Variants in TMEM132D observed in about 807,000 individuals in gnomAD.
The protein encoded by TMEM132D is mature OL transmembrane protein.
A neutral mutation model predicts 62.3 loss-of-function variants in TMEM132D; 21 were observed. The ratio of observed to expected loss-of-function variants is 0.34; its 90% CI spans 0.24 to 0.49. TMEM132D has a LOEUF of 0.49. Among genes scored for constraint, TMEM132D ranks in the 20% least tolerant of loss-of-function variants. The probability of loss-of-function intolerance (pLI) is 0.99; values close to 1 mark genes in which losing one functional copy is unlikely to be tolerated. For missense variants in TMEM132D, 1,346 were observed against 1,402.8 expected, an observed-to-expected ratio of 0.96 and a Z score of 0.65; for synonymous variants, 621 against 575.6, an observed-to-expected ratio of 1.08 and a Z score of -1.13.
At chr12:129,899,386 G>A (rs1371676217) in intron 1 of TMEM132D, among the ~76,000 whole-genome samples, 1 of 130,708 alleles carries the variant, frequency 7.7e-6, no homozygotes, top group Non-Finnish European at 1.6e-5. Context: ...GTAGATGGAT[G>A]GGTGGATAAT....
intron 4 of TMEM132D, among the ~76,000 whole-genome samples, chr12:129,337,297 CATA>C (rs1446390903): frequency 1.3e-5 from 2 of 152,176 alleles, no homozygotes; most frequent in African/African-American, 2.4e-5. Flanking sequence ...GTGTCTACAT[CATA>C]TGCTACAAAC....
chr12:129,694,358 G>C (rs912410457), intron 2 of TMEM132D, among the ~76,000 whole-genome samples: 1 of 152,198 alleles, frequency 6.6e-6, no homozygotes, highest in African/African-American at 2.4e-5. Context: ...TGACCAGTAA[G>C]TCTCAAAATG....
chr12:129,393,891 A>C (rs1413364494), intron 3 of TMEM132D, among the ~76,000 whole-genome samples: 1 of 152,176 alleles, frequency 6.6e-6, no homozygotes, highest in Non-Finnish European at 1.5e-5. Flanking sequence ...TGGGAAACAT[A>C]AACATCCCCC....
chr12:129,499,072 A>G (rs1027992153), intron 3 of TMEM132D, among the ~76,000 whole-genome samples: 4 of 152,188 alleles, frequency 2.6e-5, no homozygotes, highest in African/African-American at 9.7e-5. Context: ...GTGCTCTGTA[A>G]TATTCTGGGA....
chr12:129,761,039 G>GAA (rs138226014), intron 1 of TMEM132D, among the ~76,000 whole-genome samples: 202 of 148,004 alleles, frequency 1.4e-3, no homozygotes, highest in African/African-American at 4.5e-3. Context: ...GTGGGGAAAA[G>GAA]AAAAAAAAAA....
At chr12:129,086,201 C>CGCGCGTGTGTGT (rs1349816832) in intron 5 of TMEM132D, among the ~76,000 whole-genome samples, 3,288 of 141,020 alleles carry the variant, frequency 0.023, 135 homozygotes, top group African/African-American at 0.084. Flanking sequence ...CACGCGCGCG[C>CGCGCGTGTGTGT]GTGTGTGTGT....
chr12:129,815,338 C>T (rs757847274), intron 1 of TMEM132D, among the ~76,000 whole-genome samples: 6 of 152,210 alleles, frequency 3.9e-5, no homozygotes, highest in Non-Finnish European at 8.8e-5. Context: ...TTCCAGGCAT[C>T]GCTTGAGAGA....
chr12:129,358,107 T>C (rs1479378593), intron 3 of TMEM132D, among the ~76,000 whole-genome samples: 1 of 152,210 alleles, frequency 6.6e-6, no homozygotes, highest in Non-Finnish European at 1.5e-5. Context: ...TTTGTCTTCT[T>C]GTGTCCTCTA....
In TMEM132D at chr12:129,386,073, G is replaced by A. The variant is rs1266103683; in HGVS notation, c.1116-48256C>T. Among the ~76,000 whole-genome samples, 4 of 152,332 alleles carry A rather than the reference G, an allele frequency of 2.6e-5. No homozygotes were observed. The South Asian group carries it at 8.3e-4, about 32-fold the overall frequency. On this transcript the variant is annotated intron_variant, in intron 3 of 8. Transcript: ENST00000422113. ...ACAGTCACTTTCCTGCTGGCTCACA[G>A]TGGTAATGGCCTGAGTGACCAGCTA...
In TMEM132D at chr12:129,537,084, C is replaced by A. The variant is rs940058078; in HGVS notation, c.969-5879G>T. The stretch of plus-strand genomic sequence containing the variant: ...CTGAGACGGGAGAATTGCTTGAACC[C>A]GGGAGGCAGAGGTTGCGGTGAGCCG... On this transcript the variant is annotated intron_variant, in intron 2 of 8. Transcript: ENST00000422113. Among the ~76,000 whole-genome samples, 3 of 143,022 alleles carry A rather than the reference C, an allele frequency of 2.1e-5. No homozygotes were observed. In the Admixed American group the frequency reaches 2.2e-4, roughly 11 times the overall value. 93.8% of individuals were successfully genotyped at this position (143,022 alleles called of 152,430 possible).
chr12:129,118,377 C>A (rs182939155), intron 5 of TMEM132D, among the ~76,000 whole-genome samples: 1 of 152,200 alleles, frequency 6.6e-6, no homozygotes, highest in Non-Finnish European at 1.5e-5. Flanking sequence ...CCCAGCTCTG[C>A]GGTACATGGT....
At chr12:129,860,509 C>T (rs904489544) in intron 1 of TMEM132D, among the ~76,000 whole-genome samples, 3 of 152,222 alleles carry the variant, frequency 2.0e-5, no homozygotes, top group Non-Finnish European at 4.4e-5. Flanking sequence ...CTGCATCAAA[C>T]TTCTCAATCT....
chr12:129,185,539 TTATTA>T (rs1207832414), intron 5 of TMEM132D, among the ~76,000 whole-genome samples: 2 of 151,882 alleles, frequency 1.3e-5, no homozygotes, highest in East Asian at 3.9e-4. Context: ...CACTTTTATT[TTATTA>T]TTTTATTTTA....
chr12:129,697,291 C>T (rs1051974263), intron 2 of TMEM132D, among the ~76,000 whole-genome samples: 2 of 152,278 alleles, frequency 1.3e-5, no homozygotes, highest in African/African-American at 2.4e-5. Context: ...CACACCAATT[C>T]TAAATATTTG....
chr12:129,901,041 T>C (rs1370373835), intron 1 of TMEM132D, among the ~76,000 whole-genome samples: 1 of 152,248 alleles, frequency 6.6e-6, no homozygotes, highest in Non-Finnish European at 1.5e-5. Flanking sequence ...GCCCTTTGTT[T>C]CATTCAAAAA....
intron 3 of TMEM132D, among the ~76,000 whole-genome samples, chr12:129,434,362 G>A (rs1213957403): frequency 6.6e-6 from 1 of 152,182 alleles, no homozygotes; most frequent in African/African-American, 2.4e-5. Flanking sequence ...GAATGAACAT[G>A]GCCGAATGAA....
intron 4 of TMEM132D, among the ~76,000 whole-genome samples, chr12:129,261,150 T>A (rs553987958): frequency 6.6e-5 from 10 of 151,982 alleles, no homozygotes; most frequent in Non-Finnish European, 1.2e-4. Context: ...GGGTTCTAAG[T>A]GAGATTTTTT....
intron 2 of TMEM132D, among the ~76,000 whole-genome samples, chr12:129,674,561 C>A (rs1008151560): frequency 6.6e-6 from 1 of 152,074 alleles, no homozygotes; most frequent in Admixed American, 6.5e-5. Context: ...GTTTTTGAGA[C>A]AGAGTCTCAA....
chr12:129,074,647 C>A lies in TMEM132D; in HGVS notation c.2528G>T (p.Gly843Val), dbSNP rs762416338. The A allele has an allele frequency of 6.2e-7, 1 of 1,614,088 alleles. No individual in the cohort carries two copies. The change falls in exon 9 of 9, where the codon GGC (glycine) becomes GTC (valine). Residue 843 changes from glycine (G) to valine (V), a missense_variant. Gly to Val is a moderately radical substitution (Grantham distance 109, BLOSUM62 -3). Coordinates refer to ENST00000422113, the MANE Select transcript of TMEM132D (RefSeq NM_133448.3). ...CTCCATGAGTCCCATAGAAGAACTGCCATAGTACTGTCCTTCCTGACTCCC... is the reference window on the plus strand; with the variant it reads ...CTCCATGAGTCCCATAGAAGAACTGACATAGTACTGTCCTTCCTGACTCCC... ...EWGSQEGQYY[G>V]SSSMGLMEGR...
Sources: gnomAD v4.1 joint callset for allele counts (sites outside exome capture counted in the v4.1 genomes callset) on GRCh38, gnomAD v4.1.1 for gene constraint, MANE v1.5 for transcripts, NCBI Gene and HGNC (gene_info 2026-07-23, HGNC 2026-07-21) for gene names.